Variants in CSRNP3 observed in about 807,000 individuals in gnomAD.
CSRNP3 encodes cysteine and serine rich nuclear protein 3.
CSRNP3 carries 12 observed loss-of-function variants against 48.0 expected under a neutral mutation model. That is an observed-to-expected ratio of 0.25 (90% CI 0.16 to 0.41). CSRNP3 has a LOEUF of 0.41. Among genes scored for constraint, CSRNP3 ranks in the 10% least tolerant of loss-of-function variants. The pLI is 1.00. For synonymous variants in CSRNP3, 263 were observed against 269.7 expected (o/e 0.98, Z 0.24); for missense variants, 580 against 724.4 (o/e 0.80, Z 2.29).
intron 3 of CSRNP3, among the ~76,000 whole-genome samples, chr2:165,531,084 C>G (rs1684804067): frequency 6.6e-6 from 1 of 151,722 alleles, no homozygotes; most frequent in South Asian, 2.1e-4. Flanking sequence ...AATATTGGTA[C>G]TCAGTTTCAA....
In CSRNP3 at chr2:165,647,086, C is replaced by T. The variant is rs140581664; in HGVS notation, c.149-10675C>T. Reference sequence around the variant, plus strand: ...CTTTTTATTTGGTTTAACGGCATCACCGAGATAGTACTCGGCATATGTAAT... The same window carrying T: ...CTTTTTATTTGGTTTAACGGCATCATCGAGATAGTACTCGGCATATGTAAT... On this transcript the variant is annotated intron_variant, in intron 4 of 6. Coordinates refer to ENST00000651982, the MANE Select transcript of CSRNP3 (RefSeq NM_001172173.2). Among the ~76,000 whole-genome samples, 137 of 152,132 alleles carry T rather than the reference C, an allele frequency of 9.0e-4. 1 individual carries two copies. In the South Asian group the frequency reaches 9.3e-3, roughly 10 times the overall value.
chr2:165,617,577 G>C (rs1276625205), intron 4 of CSRNP3, among the ~76,000 whole-genome samples: 2 of 152,204 alleles, frequency 1.3e-5, no homozygotes. Flanking sequence ...GTGATGATGG[G>C]CTGGGCAGGC....
intron 4 of CSRNP3, among the ~76,000 whole-genome samples, chr2:165,645,899 G>GTT (rs527992036): frequency 6.2e-4 from 92 of 149,414 alleles, no homozygotes; most frequent in African/African-American, 1.9e-3. Flanking sequence ...TTTGTTTTGT[G>GTT]TTTTTTTTGT....
chr2:165,592,255 C>A (rs1158986731), intron 3 of CSRNP3, among the ~76,000 whole-genome samples: 1 of 152,162 alleles, frequency 6.6e-6, no homozygotes, highest in East Asian at 1.9e-4. Flanking sequence ...GGCCTGTAGC[C>A]CCTTTGTTTT....
chr2:165,542,521 A>G (rs564330043), intron 3 of CSRNP3, among the ~76,000 whole-genome samples: 1 of 152,280 alleles, frequency 6.6e-6, no homozygotes, highest in South Asian at 2.1e-4. Flanking sequence ...GTTTGTGAGC[A>G]CCTTCACTAT....
chr2:165,540,887 A>AT (rs1452031885), intron 3 of CSRNP3, among the ~76,000 whole-genome samples: 1 of 152,002 alleles, frequency 6.6e-6, no homozygotes, highest in African/African-American at 2.4e-5. Flanking sequence ...TTTCTGGGTA[A>AT]TTTGTGTAAT....
rs544948252 is a variant in CSRNP3 at position 165,601,478 on chromosome 2, A to AT, written c.148+6273dup. Among the ~76,000 whole-genome samples the AT allele has an allele frequency of 4.5e-3, 678 of 152,228 alleles. 9 individuals are homozygous for AT. Among genetic ancestry groups the AT allele is most frequent in the African/African-American group, 0.014 (581 of 41,540 alleles). On this transcript the variant is annotated intron_variant, in intron 4 of 6. Transcript: ENST00000651982. The stretch of plus-strand genomic sequence containing the variant: ...GTGGATGTCCTACAATAGAATTAAG[A>AT]TTTTTTTTAATTTATGAAACACTTT...
At chr2:165,482,387 C>T (rs1356162197) in intron 1 of CSRNP3, among the ~76,000 whole-genome samples, 1 of 152,022 alleles carries the variant, frequency 6.6e-6, no homozygotes, top group Non-Finnish European at 1.5e-5. Context: ...CCTCAGCCTC[C>T]TGAGTAGCTG....
At chr2:165,614,393 C>A (rs991816595) in intron 4 of CSRNP3, among the ~76,000 whole-genome samples, 5 of 152,140 alleles carry the variant, frequency 3.3e-5, no homozygotes, top group Non-Finnish European at 5.9e-5. Flanking sequence ...GACAATTTGA[C>A]TTACTTTTCC....
intron 5 of CSRNP3, among the ~76,000 whole-genome samples, chr2:165,670,102 C>T (rs1399581775): frequency 6.6e-6 from 1 of 152,172 alleles, no homozygotes; most frequent in Non-Finnish European, 1.5e-5. Flanking sequence ...ATTTATAGGT[C>T]AATGACTGTA....
At chr2:165,618,337 C>T (rs1026329) in intron 4 of CSRNP3, among the ~76,000 whole-genome samples, 41,577 of 152,084 alleles carry the variant, frequency 0.27, 6,459 homozygotes, top group Admixed American at 0.4. Context: ...CCTGTCACTT[C>T]CCTGCTGAAT....
intron 4 of CSRNP3, among the ~76,000 whole-genome samples, chr2:165,599,567 A>G (rs926398483): frequency 1.3e-5 from 2 of 152,224 alleles, no homozygotes; most frequent in African/African-American, 4.8e-5. Flanking sequence ...TCAGGATTAC[A>G]GGCAAGAGCC....
chr2:165,650,638 A>G (rs897681867), intron 4 of CSRNP3, among the ~76,000 whole-genome samples: 12 of 152,134 alleles, frequency 7.9e-5, no homozygotes, highest in Non-Finnish European at 1.8e-4. Context: ...TTGTTCTTCA[A>G]AAGGTAAGAA....
chr2:165,676,644 A>T, intron 6 of CSRNP3, 36 bp downstream of exon 6: 3 of 1,564,882 alleles, frequency 1.9e-6, no homozygotes, highest in Non-Finnish European at 2.6e-6. Context: ...CAAAGACAAG[A>T]CATTGTCTAC....
chr2:165,485,489 C>A (rs1574797139), intron 1 of CSRNP3, among the ~76,000 whole-genome samples: 1 of 152,200 alleles, frequency 6.6e-6, no homozygotes, highest in East Asian at 1.9e-4. Context: ...AACATCACTT[C>A]AAGACGAGCA....
chr2:165,603,629 C>T (rs987317619), intron 4 of CSRNP3, among the ~76,000 whole-genome samples: 2 of 152,084 alleles, frequency 1.3e-5, no homozygotes, highest in Non-Finnish European at 2.9e-5. Flanking sequence ...CCCATTATTT[C>T]AGTATTTTAT....
intron 4 of CSRNP3, among the ~76,000 whole-genome samples, chr2:165,618,960 A>G (rs968268868): frequency 6.6e-6 from 1 of 152,160 alleles, no homozygotes; most frequent in Non-Finnish European, 1.5e-5. Context: ...ACTTCTTTTC[A>G]TTTAGACATA....
In CSRNP3 at chr2:165,676,294, G is replaced by A. The variant is rs140860699; in HGVS notation, c.409-18G>A. On this transcript the variant is annotated intron_variant, in intron 5 of 6. Transcript: ENST00000651982. ...CCTGCCCTTAATGAGTCTCTTATTT[G>A]CTGCTTTGTGTTTTTAGATGACTAA... 1.9e-6 allele frequency: 3 copies of A among 1,607,134 alleles called. No homozygotes were observed. The East Asian group carries it at 6.7e-5, about 36-fold the overall frequency.
At chr2:165,503,908 A>G (rs990801586) in intron 2 of CSRNP3, among the ~76,000 whole-genome samples, 9 of 151,954 alleles carry the variant, frequency 5.9e-5, no homozygotes, top group Admixed American at 6.6e-5. Context: ...TCCTAAGTTA[A>G]GGAGATATTC....
Sources: gnomAD v4.1 joint callset for allele counts (sites outside exome capture counted in the v4.1 genomes callset) on GRCh38, gnomAD v4.1.1 for gene constraint, MANE v1.5 for transcripts, NCBI Gene and HGNC (gene_info 2026-07-23, HGNC 2026-07-21) for gene names.